The following GMDS variants were observed in gnomAD, a reference collection of about 807,000 sequenced individuals.
The protein encoded by GMDS is GDP-mannose 4,6-dehydratase, also known as GDP-mannose 4,6 dehydratase.
In GMDS, 20 loss-of-function variants were observed where a neutral mutation model predicts 49.9. That is an observed-to-expected ratio of 0.40 (90% CI 0.28 to 0.58). The LOEUF is 0.58. Among genes scored for constraint, GMDS ranks in the 20% least tolerant of loss-of-function variants. The probability of loss-of-function intolerance (pLI) is 0.42; values close to 1 mark genes in which losing one functional copy is unlikely to be tolerated. For synonymous variants in GMDS, 177 were observed against 178.6 expected, an observed-to-expected ratio of 0.99 and a Z score of 0.07; for missense variants, 362 against 481.4, an observed-to-expected ratio of 0.75 and a Z score of 2.32.
At chr6:2,225,289 C>A (rs1236318225) in intron 1 of GMDS, among the ~76,000 whole-genome samples, 1 of 152,096 alleles carries the variant, frequency 6.6e-6, no homozygotes, top group East Asian at 1.9e-4. Context: ...AAGACTGCAC[C>A]ACCGCACTCC....
At chr6:2,172,026 C>T (rs567407777) in intron 1 of GMDS, among the ~76,000 whole-genome samples, 10 of 152,188 alleles carry the variant, frequency 6.6e-5, no homozygotes, top group East Asian at 3.9e-4. Context: ...CCAAACACTA[C>T]GGAAGACATC....
In GMDS at chr6:1,708,583, A is replaced by G. The variant is rs143821864; in HGVS notation, c.987+17833T>C. 5.2e-3 allele frequency among the ~76,000 whole-genome samples: 792 copies of G among 152,370 alleles called. 8 individuals carry two copies. Among genetic ancestry groups the G allele is most frequent in the African/African-American group, 0.018 (758 of 41,586 alleles). Reference sequence around the variant, plus strand: ...ATAACTGGTGCATCAAATGGTTTAGATCTTGGGAAAAGCAGGTTTGGGTTT... The same window carrying G: ...ATAACTGGTGCATCAAATGGTTTAGGTCTTGGGAAAAGCAGGTTTGGGTTT... On this transcript the variant is annotated intron_variant, in intron 9 of 10. Transcript: ENST00000380815.
intron 7 of GMDS, among the ~76,000 whole-genome samples, chr6:1,819,578 T>C (rs1770801476): frequency 6.6e-6 from 1 of 151,866 alleles, no homozygotes; most frequent in Admixed American, 6.6e-5. Flanking sequence ...CTGGCCAACA[T>C]GGTGAAACCC....
chr6:2,098,347 C>A (rs1969667), intron 4 of GMDS, among the ~76,000 whole-genome samples: 1 of 152,042 alleles, frequency 6.6e-6, no homozygotes, highest in Non-Finnish European at 1.5e-5. Flanking sequence ...CGTAAGCCAC[C>A]GCGCCCAGCC....
chr6:2,171,963 G>C (rs1442595234), intron 1 of GMDS, among the ~76,000 whole-genome samples: 1 of 152,164 alleles, frequency 6.6e-6, no homozygotes, highest in African/African-American at 2.4e-5. Context: ...AACTCACGTG[G>C]CCGGCTAATC....
Position 1,833,542 on chromosome 6 carries a change from C to T in GMDS, c.772-90956G>A, listed in dbSNP as rs1756778264. ...GCCTTTTCTTCCTTTCCCTTCTCCT[C>T]CCCTTCCTGAGGGAACATAACACAA... On this transcript the variant is annotated intron_variant, in intron 7 of 10. Coordinates refer to ENST00000380815, the MANE Select transcript of GMDS (RefSeq NM_001500.4). This position sits in a 1 kb window ranked among gnomAD's most constrained non-coding sequence, Gnocchi z 4.4. Among the ~76,000 whole-genome samples the T allele has an allele frequency of 6.6e-6, 1 of 151,974 alleles. No homozygotes were observed. Among genetic ancestry groups the T allele is most frequent in the African/African-American group, 2.4e-5 (1 of 41,356 alleles).
At chr6:2,228,279 A>C (rs1780910912) in intron 1 of GMDS, among the ~76,000 whole-genome samples, 1 of 152,068 alleles carries the variant, frequency 6.6e-6, no homozygotes, top group Non-Finnish European at 1.5e-5. Context: ...GCCAACACCA[A>C]CACCACCCTT....
At chr6:1,805,850 G>C (rs1274628670) in intron 7 of GMDS, among the ~76,000 whole-genome samples, 1 of 152,178 alleles carries the variant, frequency 6.6e-6, no homozygotes, top group Non-Finnish European at 1.5e-5. Flanking sequence ...ACTGTCAAGA[G>C]GAGTTCTGAG....
intron 8 of GMDS, among the ~76,000 whole-genome samples, chr6:1,741,606 T>C (rs13214031): frequency 6.6e-6 from 1 of 150,722 alleles, no homozygotes. Context: ...AGGTCAGGAG[T>C]TCGAAGACTA....
intron 4 of GMDS, among the ~76,000 whole-genome samples, chr6:2,011,232 T>C (rs1403126384): frequency 6.6e-6 from 1 of 151,984 alleles, no homozygotes; most frequent in Non-Finnish European, 1.5e-5. Context: ...GAAATGCAAA[T>C]TAAAACCACA....
intron 7 of GMDS, among the ~76,000 whole-genome samples, chr6:1,852,559 A>T (rs1227455081): frequency 6.6e-6 from 1 of 152,114 alleles, no homozygotes; most frequent in Non-Finnish European, 1.5e-5. Flanking sequence ...CCCTCCACTA[A>T]AAAGGTGCGT....
At chr6:1,685,690 A>G (rs1764952260) in intron 9 of GMDS, among the ~76,000 whole-genome samples, 1 of 151,974 alleles carries the variant, frequency 6.6e-6, no homozygotes, top group Non-Finnish European at 1.5e-5. Flanking sequence ...GAGCACAGGG[A>G]GGTTGGTTGC....
intron 4 of GMDS, among the ~76,000 whole-genome samples, chr6:2,073,995 T>C (rs1276873463): frequency 1.3e-5 from 2 of 152,240 alleles, no homozygotes; most frequent in African/African-American, 4.8e-5. Flanking sequence ...AGGTATGCCT[T>C]TGAAATACTA....
chr6:2,160,051 C>CT lies in GMDS; in HGVS notation c.103-35321dup, dbSNP rs149253737. 5.7e-3 allele frequency among the ~76,000 whole-genome samples: 865 copies of CT among 152,186 alleles called. 2 individuals are homozygous for CT. Among genetic ancestry groups the CT allele is most frequent in the Middle Eastern group, 0.017 (5 of 292 alleles). On this transcript the variant is annotated intron_variant, in intron 1 of 10. Transcript: ENST00000380815. ...TCTTGGGCTGAAAAAATCATTCAAT[C>CT]TTTTAGAGTTAATAGAAAGCAACTA...
intron 1 of GMDS, among the ~76,000 whole-genome samples, chr6:2,234,955 G>A (rs1229163974): frequency 3.3e-5 from 5 of 152,036 alleles, no homozygotes; most frequent in African/African-American, 4.8e-5. Context: ...GAGAAACCCC[G>A]TCTCTACTAA....
In GMDS at chr6:2,082,520, A is replaced by G. The variant is rs1581626167; in HGVS notation, c.345+33251T>C. Among the ~76,000 whole-genome samples the G allele has an allele frequency of 4.6e-5, 7 of 152,338 alleles. No homozygotes were observed. The South Asian group carries it at 1.4e-3, about 32-fold the overall frequency. ...ATGTTACAATGAGGATTACAGCTCA[A>G]CATTGCTAAAAACTCAAAGTGCATT... On this transcript the variant is annotated intron_variant, in intron 4 of 10. Transcript: ENST00000380815.
At chr6:1,951,691 C>G (rs9378663) in intron 6 of GMDS, among the ~76,000 whole-genome samples, 1 of 152,064 alleles carries the variant, frequency 6.6e-6, no homozygotes, top group Non-Finnish European at 1.5e-5. Context: ...CCACCATGCC[C>G]GGCCTGATTT....
chr6:2,019,451 C>A (rs1412186334), intron 4 of GMDS, among the ~76,000 whole-genome samples: 7 of 152,036 alleles, frequency 4.6e-5, no homozygotes, highest in Middle Eastern at 6.8e-3. Context: ...TCTAGATCCT[C>A]TTTTTCAGGT....
chr6:2,001,758 G>T (rs928484028), intron 4 of GMDS, among the ~76,000 whole-genome samples: 1 of 152,124 alleles, frequency 6.6e-6, no homozygotes, highest in Admixed American at 6.6e-5. Flanking sequence ...GACTGATTTC[G>T]ACAAGAGTTG....
Sources: allele counts gnomAD v4.1 joint callset (sites outside exome capture counted in the v4.1 genomes callset), GRCh38; gene constraint gnomAD v4.1.1; non-coding constraint Gnocchi (gnomAD v3.1); transcripts MANE v1.5; gene names NCBI Gene and HGNC (gene_info 2026-07-23, HGNC 2026-07-21).